BLNK: variants seen among roughly 807,000 people sequenced by gnomAD.
BLNK encodes the protein B cell linker, also known as B-cell linker protein.
In BLNK, 29 loss-of-function variants were observed where a neutral mutation model predicts 73.5. That is an observed-to-expected ratio of 0.39 (90% CI 0.29 to 0.54). The LOEUF (loss-of-function observed/expected upper bound fraction) is 0.54. Among genes scored for constraint, BLNK ranks in the 20% least tolerant of loss-of-function variants. The pLI is 0.61. For synonymous variants in BLNK, 176 were observed against 200.8 expected (o/e 0.88, Z 1.04); for missense variants, 460 against 562.8 (o/e 0.82, Z 1.85).
chr10:96,246,994 TA>T lies in BLNK; in HGVS notation c.102del (p.Asn34LysfsTer6). The T allele has an allele frequency of 6.2e-7, 1 of 1,606,158 alleles. No homozygotes were observed. Among genetic ancestry groups the T allele is most frequent in the Non-Finnish European group, 8.5e-7 (1 of 1,174,710 alleles). On this transcript the variant is annotated frameshift_variant, in exon 2 of 17. Transcript: ENST00000224337. LOFTEE classifies it high-confidence loss of function. ...TAGAGGCGAACTTACTTTTTGATTT[TA>T]TTCATTATTCCACCTTCATTGTTTT... The part of the protein sequence containing the change: ...DIKNNEGGIM[N>X]KIKKLKVKAP...
intron 13 of BLNK, chr10:96,203,465 T>C (rs1418108916): frequency 1.3e-5 from 2 of 152,268 alleles, no homozygotes; most frequent in African/African-American, 4.8e-5. Flanking sequence ...ATTATCTATG[T>C]AAAGCAGAGT....
Position 96,204,586 on chromosome 10 carries a change from C to A in BLNK, c.848G>T (p.Gly283Val), listed in dbSNP as rs1554896970. Residue 283 changes from glycine to valine, a missense_variant, in exon 12 of 17, where the codon GGG (glycine) becomes GTG (valine). Physicochemically the swap from Gly to Val is moderately radical, Grantham distance 109. Around this residue, in one of 3 missense-constraint regions of BLNK, gnomAD observed 233 missense variants for 232.1 expected, o/e 1.00. Transcript: ENST00000224337. Reference protein sequence around the residue: ...EKPIPAERHRGSSHRQEAVQS... With the variant: ...EKPIPAERHRVSSHRQEAVQS... ...CACAGCTTCTTGTCTGTGACTTGAC[C>A]CTCGGTGGCGTTCAGCAGGTATAGG... 1 of 1,613,952 alleles carries A rather than the reference C, an allele frequency of 6.2e-7. No individual in the cohort carries two copies. Among genetic ancestry groups the A allele is most frequent in the Admixed American group, 1.7e-5 (1 of 60,016 alleles).
At chr10:96,240,959 G>T (rs1159393755) in intron 3 of BLNK, among the ~76,000 whole-genome samples, 1 of 152,184 alleles carries the variant, frequency 6.6e-6, no homozygotes, top group African/African-American at 2.4e-5. Context: ...TATTGATTAG[G>T]TAGATATTAA....
intron 6 of BLNK, among the ~76,000 whole-genome samples, chr10:96,220,859 T>C (rs984736189): frequency 1.3e-5 from 2 of 152,230 alleles, no homozygotes; most frequent in Non-Finnish European, 2.9e-5. Flanking sequence ...CTTGTCATAA[T>C]TGTTTACATG....
At chr10:96,228,831 G>A (rs992176095) in intron 4 of BLNK, among the ~76,000 whole-genome samples, 5 of 152,140 alleles carry the variant, frequency 3.3e-5, no homozygotes, top group Non-Finnish European at 7.4e-5. Context: ...CTCACACTCT[G>A]CCTATCACAT....
intron 15 of BLNK, among the ~76,000 whole-genome samples, chr10:96,197,709 A>G (rs1364426038): frequency 2.0e-5 from 3 of 152,148 alleles, no homozygotes; most frequent in Non-Finnish European, 4.4e-5. Context: ...ATCTTGGGTC[A>G]GACTGACCTC....
intron 1 of BLNK, among the ~76,000 whole-genome samples, chr10:96,266,660 G>A (rs1554914360): frequency 1.3e-5 from 2 of 152,198 alleles, no homozygotes; most frequent in Non-Finnish European, 2.9e-5. Flanking sequence ...GTGGGATGCA[G>A]GTAGGCAGTG....
intron 11 of BLNK, among the ~76,000 whole-genome samples, chr10:96,206,320 A>G (rs782026636): frequency 2.4e-4 from 37 of 152,348 alleles, no homozygotes; most frequent in African/African-American, 8.9e-4. Context: ...TGCTGATATT[A>G]TAGATGATTC....
chr10:96,224,594 G>A (rs1351749854), intron 5 of BLNK, among the ~76,000 whole-genome samples: 2 of 152,200 alleles, frequency 1.3e-5, no homozygotes, highest in Non-Finnish European at 1.5e-5. Context: ...AGGCCAACTG[G>A]ATCTGAGTTC....
intron 16 of BLNK, among the ~76,000 whole-genome samples, chr10:96,195,095 G>A (rs1728218731): frequency 6.6e-6 from 1 of 152,148 alleles, no homozygotes; most frequent in African/African-American, 2.4e-5. Context: ...AAACCACAAT[G>A]AGCTGTCTAT....
intron 15 of BLNK, among the ~76,000 whole-genome samples, chr10:96,197,316 T>C (rs1554894941): frequency 6.6e-6 from 1 of 152,172 alleles, no homozygotes; most frequent in Non-Finnish European, 1.5e-5. Context: ...AATTAATTAA[T>C]TATTTTTAGA....
chr10:96,259,795 T>A (rs1266376822), intron 1 of BLNK, among the ~76,000 whole-genome samples: 1 of 147,730 alleles, frequency 6.8e-6, no homozygotes, highest in African/African-American at 2.5e-5. Context: ...GAAATTGGGC[T>A]GACTTGGCAC....
chr10:96,195,706 G>A (rs2083448203), intron 16 of BLNK, among the ~76,000 whole-genome samples: 1 of 152,158 alleles, frequency 6.6e-6, no homozygotes, highest in South Asian at 2.1e-4. Context: ...TCTATAAGAT[G>A]AACAAGTTCT....
chr10:96,271,109 T>C (rs782437010), intron 1 of BLNK, among the ~76,000 whole-genome samples: 2 of 152,210 alleles, frequency 1.3e-5, no homozygotes, highest in African/African-American at 2.4e-5. Context: ...TACACTTTAT[T>C]GTAAGAGGCA....
At position 96,200,980 on chromosome 10, in the gene BLNK, A is replaced by G; in HGVS notation, c.1011+2T>C. ...TAGTGACATCAAGAGTTCATTTCAT[A>G]CCTGTTCTGAAATAGTGGAATTAGA... On this transcript the variant is annotated splice_donor_variant, in intron 14 of 16. Coordinates refer to ENST00000224337, the MANE Select transcript of BLNK (RefSeq NM_013314.4). LOFTEE classifies it high-confidence loss of function. This position sits in a 1 kb window ranked among gnomAD's most constrained non-coding sequence, Gnocchi z 4.3. The G allele has an allele frequency of 6.2e-7, 1 of 1,613,532 alleles. No homozygotes were observed. The highest frequency in any genetic ancestry group is 8.5e-7 in the Non-Finnish European group (1 of 1,179,442).
rs1490590175 is a variant in BLNK at position 96,190,038 on chromosome 10, T to C, written c.*1935A>G. The C allele has an allele frequency of 3.7e-6, 3 of 809,192 alleles. No homozygotes were observed. The highest frequency in any genetic ancestry group is 6.5e-6 in the Non-Finnish European group (3 of 460,802). The allele number at this position is 809,192 out of a possible 1,614,324, so 50.1% of individuals were successfully genotyped here. ...TGCCTTCATAATTCATTGCCTCTGC[T>C]TCAACAATGTGCAGTTCATCCTTTG... On this transcript the variant is annotated 3_prime_UTR_variant, in exon 17 of 17. Transcript: ENST00000224337.
chr10:96,196,317 T>C (rs2083463905), intron 16 of BLNK, among the ~76,000 whole-genome samples: 1 of 152,192 alleles, frequency 6.6e-6, no homozygotes, highest in African/African-American at 2.4e-5. Context: ...GGTTCATTTA[T>C]AGGAGCAGGC....
chr10:96,204,644 A>G (rs1322565945), intron 11 of BLNK, 28 bp from the exon 12 acceptor site: 2 of 1,609,394 alleles, frequency 1.2e-6, no homozygotes, highest in African/African-American at 2.7e-5. Flanking sequence ...TCATATTAGG[A>G]TTAGAGTGAA....
At chr10:96,260,392 C>G (rs1468079088) in intron 1 of BLNK, among the ~76,000 whole-genome samples, 1 of 152,212 alleles carries the variant, frequency 6.6e-6, no homozygotes, top group African/African-American at 2.4e-5. Flanking sequence ...TAAATCGAAC[C>G]AGCTGCCAAT....
Sources: gnomAD v4.1 joint callset for allele counts (sites outside exome capture counted in the v4.1 genomes callset) on GRCh38, gnomAD v4.1.1 for gene constraint, gnomAD v4.1.1 regional missense constraint, Gnocchi (gnomAD v3.1) non-coding constraint, MANE v1.5 for transcripts, NCBI Gene and HGNC (gene_info 2026-07-23, HGNC 2026-07-21) for gene names.